CNKSR2: variants seen among roughly 807,000 people sequenced by gnomAD.
CNKSR2 encodes connector enhancer of kinase suppressor of Ras 2.
Under a neutral mutation model 84.4 loss-of-function variants are expected in CNKSR2, and 14 were observed. The observed-to-expected ratio is 0.17, with a 90% CI of 0.11 to 0.26. The LOEUF (loss-of-function observed/expected upper bound fraction) is 0.26, where lower values mean the gene tolerates loss of function less well. Among genes scored for constraint, CNKSR2 ranks in the 10% least tolerant of loss-of-function variants. CNKSR2 has a pLI of 1.00. For synonymous variants in CNKSR2, 275 were observed against 277.9 expected (o/e 0.99, Z 0.10); for missense variants, 485 against 771.2 (o/e 0.63, Z 4.40).
intron 4 of CNKSR2, among the ~76,000 whole-genome samples, chrX:21,452,471 T>C (rs1171667720): frequency 8.9e-6 from 1 of 112,006 alleles, no homozygotes; most frequent in East Asian, 2.8e-4. Context: ...TTTGGTTTGT[T>C]AAAGACCCAT....
intron 13 of CNKSR2, among the ~76,000 whole-genome samples, chrX:21,571,435 T>C (rs2092283256): frequency 8.9e-6 from 1 of 111,998 alleles, no homozygotes; most frequent in South Asian, 3.7e-4. Flanking sequence ...CTATAATATT[T>C]CCACTGCTAA....
chrX:21,390,335 G>A (rs969194878), intron 1 of CNKSR2, among the ~76,000 whole-genome samples: 4 of 111,414 alleles, frequency 3.6e-5, no homozygotes, highest in African/African-American at 1.3e-4. Context: ...AGACCTACCC[G>A]AGACTGGGTA....
chrX:21,507,743 G>A (rs1319496747), intron 8 of CNKSR2, among the ~76,000 whole-genome samples: 1 of 111,394 alleles, frequency 9.0e-6, no homozygotes, highest in Admixed American at 9.6e-5. Context: ...TAGGGTTTGA[G>A]TTGCTTTTTA....
intron 6 of CNKSR2, chrX:21,492,675 A>G (rs917678167): frequency 9.0e-6 from 1 of 111,710 alleles, no homozygotes; most frequent in Non-Finnish European, 1.9e-5. Context: ...GCAGCACTTC[A>G]CTGGGAATTG....
chrX:21,480,519 A>T (rs937806855), intron 5 of CNKSR2, among the ~76,000 whole-genome samples: 1 of 111,888 alleles, frequency 8.9e-6, no homozygotes, highest in Admixed American at 9.5e-5. Flanking sequence ...GTGATCTCTC[A>T]TCTTCTTCGG....
At chrX:21,401,306 TA>T (rs921906544) in intron 1 of CNKSR2, among the ~76,000 whole-genome samples, 9 of 111,237 alleles carry the variant, frequency 8.1e-5, no homozygotes, top group Admixed American at 2.9e-4. Flanking sequence ...GTTATGTGGT[TA>T]AAAAAAATCG....
At chrX:21,433,746 T>G (rs1303652822) in intron 3 of CNKSR2, among the ~76,000 whole-genome samples, 2 of 108,389 alleles carry the variant, frequency 1.8e-5, no homozygotes, top group African/African-American at 6.7e-5. Flanking sequence ...ATATTAAAAG[T>G]AAAGCTTTTG....
intron 16 of CNKSR2, 28 bp downstream of exon 16, chrX:21,595,075 A>T: frequency 1.9e-6 from 2 of 1,076,673 alleles, no homozygotes; most frequent in Non-Finnish European, 2.6e-6. Context: ...GGGAAGAGGG[A>T]ACGATAGTTT....
chrX:21,570,650 G>A (rs754024242), intron 13 of CNKSR2, among the ~76,000 whole-genome samples: 7 of 112,165 alleles, frequency 6.2e-5, no homozygotes, highest in Non-Finnish European at 7.5e-5. Flanking sequence ...AGTGAGAGAC[G>A]TGTGACTCTT....
intron 11 of CNKSR2, among the ~76,000 whole-genome samples, chrX:21,559,136 C>CTA (rs1008366066): frequency 1.8e-5 from 2 of 111,066 alleles, no homozygotes; most frequent in Non-Finnish European, 3.8e-5. Flanking sequence ...TGACCTGGAT[C>CTA]TATAGATGGC....
At chrX:21,576,237 A>C (rs992850053) in intron 13 of CNKSR2, among the ~76,000 whole-genome samples, 1 of 112,632 alleles carries the variant, frequency 8.9e-6, no homozygotes, top group African/African-American at 3.2e-5. Context: ...TCTGATTATA[A>C]TGAAATCAAA....
At chrX:21,393,657 T>A (rs2090081819) in intron 1 of CNKSR2, among the ~76,000 whole-genome samples, 1 of 112,422 alleles carries the variant, frequency 8.9e-6, no homozygotes, top group South Asian at 3.6e-4. Flanking sequence ...ATTGTGTGAT[T>A]TGCATGACTT....
At chrX:21,438,828 TA>T (rs770228923) in intron 3 of CNKSR2, among the ~76,000 whole-genome samples, 1 of 111,120 alleles carries the variant, frequency 9.0e-6, no homozygotes, top group Non-Finnish European at 1.9e-5. Flanking sequence ...TTCATATTGA[TA>T]AAAAACAAAG....
chrX:21,402,163 A>G (rs1458167517), intron 1 of CNKSR2, among the ~76,000 whole-genome samples: 3 of 111,214 alleles, frequency 2.7e-5, no homozygotes, highest in Non-Finnish European at 5.7e-5. Flanking sequence ...TGCCACATCC[A>G]TACATGGTTG....
chrX:21,576,895 C>G (rs886893841), intron 13 of CNKSR2, among the ~76,000 whole-genome samples: 2 of 110,737 alleles, frequency 1.8e-5, no homozygotes, highest in Non-Finnish European at 3.8e-5. Context: ...ACAAAAGAAG[C>G]AAAACCACAG....
intron 4 of CNKSR2, among the ~76,000 whole-genome samples, chrX:21,455,147 GA>G (rs1444068699): frequency 3.6e-5 from 4 of 111,112 alleles, no homozygotes; most frequent in Non-Finnish European, 5.7e-5. Flanking sequence ...TATTTCAAAG[GA>G]AAAAAAGTAA....
At chrX:21,625,335 A>G in intron 20 of CNKSR2, among the ~76,000 whole-genome samples, 1 of 111,735 alleles carries the variant, frequency 8.9e-6, no homozygotes, top group Non-Finnish European at 1.9e-5. Context: ...TGGTACAGAA[A>G]CCTAGCCATT....
chrX:21,593,551 G>A (rs1329621120), intron 15 of CNKSR2: 1 of 111,988 alleles, frequency 8.9e-6, no homozygotes, highest in Non-Finnish European at 1.9e-5. Context: ...TTGATCATGA[G>A]CAGAACAAGG....
intron 11 of CNKSR2, chrX:21,537,884 G>T (rs2091943959): frequency 9.2e-6 from 1 of 108,361 alleles, no homozygotes. Flanking sequence ...GATAGGTGAG[G>T]AATTACTCCT....
Sources: gnomAD v4.1 joint callset for allele counts (sites outside exome capture counted in the v4.1 genomes callset) on GRCh38, gnomAD v4.1.1 for gene constraint, MANE v1.5 for transcripts, NCBI Gene and HGNC (gene_info 2026-07-23, HGNC 2026-07-21) for gene names.